The following CEP128 variants were observed in gnomAD, a reference collection of about 807,000 sequenced individuals.
CEP128 encodes centrosomal protein 128, also known as centrosomal protein 128kDa.
CEP128 carries 132 observed loss-of-function variants against 156.7 expected under a neutral mutation model. The observed-to-expected ratio is 0.84, with a 90% CI of 0.73 to 0.97. CEP128 has a LOEUF of 0.97. CEP128 is among the 50% of genes least tolerant of loss of function. CEP128 has a pLI of 0.00. For synonymous variants in CEP128, 469 were observed against 448.9 expected (o/e 1.04, Z -0.57); for missense variants, 1,252 against 1,281.9 (o/e 0.98, Z 0.36).
At chr14:80,671,353 G>C (rs1056914343) in intron 19 of CEP128, among the ~76,000 whole-genome samples, 1 of 152,106 alleles carries the variant, frequency 6.6e-6, no homozygotes, top group African/African-American at 2.4e-5. Context: ...AAAAGGCCTT[G>C]GATTGTAGGT....
At chr14:80,790,403 A>G (rs545525037) in intron 14 of CEP128, among the ~76,000 whole-genome samples, 1 of 152,260 alleles carries the variant, frequency 6.6e-6, no homozygotes, top group South Asian at 2.1e-4. Flanking sequence ...ACAGTACCTT[A>G]AAAGAAAAAG....
At chr14:80,734,614 C>A (rs927689824) in intron 19 of CEP128, among the ~76,000 whole-genome samples, 10 of 151,928 alleles carry the variant, frequency 6.6e-5, no homozygotes, top group African/African-American at 2.4e-4. Context: ...CTTTGGGAGG[C>A]CGAGGCGGGC....
At chr14:80,789,477 T>G (rs1254187294) in intron 14 of CEP128, among the ~76,000 whole-genome samples, 1 of 152,134 alleles carries the variant, frequency 6.6e-6, no homozygotes, top group Admixed American at 6.6e-5. Context: ...GATACAGACT[T>G]CAGTAGGTTG....
At chr14:80,833,967 T>C (rs1358812014) in intron 12 of CEP128, among the ~76,000 whole-genome samples, 3 of 152,108 alleles carry the variant, frequency 2.0e-5, no homozygotes, top group Non-Finnish European at 4.4e-5. Context: ...AAGAAAAACA[T>C]GTTTTGAGGA....
At chr14:80,689,328 T>C in intron 19 of CEP128, among the ~76,000 whole-genome samples, 1 of 148,368 alleles carries the variant, frequency 6.7e-6, no homozygotes, top group Admixed American at 6.7e-5. Context: ...AAATGCATCT[T>C]TATCCTCAAG....
At chr14:80,862,449 G>A (rs12586298) in intron 9 of CEP128, among the ~76,000 whole-genome samples, 3,175 of 152,274 alleles carry the variant, frequency 0.021, 40 homozygotes, top group Middle Eastern at 0.071. Context: ...AGTATGTTAA[G>A]AGCTGTATTG....
chr14:80,831,635 A>T (rs1157376399), intron 12 of CEP128, among the ~76,000 whole-genome samples: 1 of 151,732 alleles, frequency 6.6e-6, no homozygotes, highest in Non-Finnish European at 1.5e-5. Context: ...ATACAAAAAG[A>T]GTTTTCAACT....
At position 80,876,552 on chromosome 14, in the gene CEP128, G is replaced by A. The variant is rs148265306; in HGVS notation, c.646-13679C>T. Among the ~76,000 whole-genome samples the A allele has an allele frequency of 9.3e-3, 1,398 of 150,840 alleles. 17 individuals carry two copies. Among genetic ancestry groups the A allele is most frequent in the Non-Finnish European group, 0.016 (1,071 of 67,866 alleles). ...GCAAAGGTTGCAGTGAGTCGAGATC[G>A]TGCCACTGCACTCCAGCCTGGGTGT... On this transcript the variant is annotated intron_variant, in intron 8 of 24. Transcript: ENST00000555265.
chr14:80,905,256 A>C (rs1015654537), intron 5 of CEP128, among the ~76,000 whole-genome samples: 5 of 152,078 alleles, frequency 3.3e-5, no homozygotes, highest in African/African-American at 1.2e-4. Flanking sequence ...TGACCCCTTA[A>C]TATAACTTAA....
intron 19 of CEP128, among the ~76,000 whole-genome samples, chr14:80,644,331 T>C (rs550330288): frequency 2.0e-5 from 3 of 152,208 alleles, no homozygotes; most frequent in African/African-American, 4.8e-5. Flanking sequence ...ACCTGTCATA[T>C]GCACATTGGA....
chr14:80,944,777 G>A (rs943306468), upstream of CEP128, among the ~76,000 whole-genome samples: 9 of 126,922 alleles, frequency 7.1e-5, no homozygotes, highest in African/African-American at 2.3e-4. Flanking sequence ...AGCCGAGATC[G>A]TGCCACTGCA....
intron 19 of CEP128, among the ~76,000 whole-genome samples, chr14:80,649,648 A>G (rs1433688453): frequency 1.3e-5 from 2 of 152,064 alleles, no homozygotes; most frequent in Admixed American, 1.3e-4. Flanking sequence ...GGGGTAAAAA[A>G]AAGTCTGCAT....
At chr14:80,531,586 CATATATATTATAGGCATCTCTGT>C (rs959809757) in intron 21 of CEP128, among the ~76,000 whole-genome samples, 6 of 152,150 alleles carry the variant, frequency 3.9e-5, no homozygotes, top group African/African-American at 1.4e-4. Flanking sequence ...CTAGAGACTG[CATATATATTATAGGCATCTCTGT>C]ATCCTCAGCT....
At chr14:80,694,559 A>AC (rs1896824588) in intron 19 of CEP128, among the ~76,000 whole-genome samples, 1 of 152,304 alleles carries the variant, frequency 6.6e-6, no homozygotes, top group African/African-American at 2.4e-5. Context: ...ACCATGGAAT[A>AC]TATGCAGCCA....
intron 2 of CEP128, among the ~76,000 whole-genome samples, chr14:80,950,191 C>T (rs547300655): frequency 2.0e-5 from 3 of 152,202 alleles, no homozygotes; most frequent in South Asian, 4.2e-4. Flanking sequence ...GGATTCCCAG[C>T]GACCACTAGA....
intron 13 of CEP128, among the ~76,000 whole-genome samples, chr14:80,794,367 G>A (rs965932959): frequency 1.9e-4 from 29 of 152,122 alleles, no homozygotes; most frequent in South Asian, 4.1e-4. Flanking sequence ...TTTTCTGGGC[G>A]ACAGGTTTGC....
At chr14:80,574,378 G>T (rs10138394) in intron 20 of CEP128, among the ~76,000 whole-genome samples, 86,073 of 151,884 alleles carry the variant, frequency 0.57, 24,689 homozygotes, top group East Asian at 0.72. Flanking sequence ...TTATGGGCAT[G>T]CTACAGTTCG....
intron 19 of CEP128, among the ~76,000 whole-genome samples, chr14:80,707,002 T>C (rs78706496): frequency 6.6e-6 from 1 of 152,182 alleles, no homozygotes; most frequent in Non-Finnish European, 1.5e-5. Context: ...TATTTCTTTG[T>C]TGAGATTATC....
chr14:80,698,471 T>C (rs1428850225), intron 19 of CEP128, among the ~76,000 whole-genome samples: 1 of 152,130 alleles, frequency 6.6e-6, no homozygotes, highest in Non-Finnish European at 1.5e-5. Flanking sequence ...AGGTACTATG[T>C]CCATTTTAGA....
Sources: gnomAD v4.1 joint callset for allele counts (sites outside exome capture counted in the v4.1 genomes callset) on GRCh38, gnomAD v4.1.1 for gene constraint, MANE v1.5 for transcripts, NCBI Gene and HGNC (gene_info 2026-07-23, HGNC 2026-07-21) for gene names.